CEP192: variants seen among roughly 807,000 people sequenced by gnomAD.
The protein encoded by CEP192 is centrosomal protein 192.
Under a neutral mutation model 271.8 loss-of-function variants are expected in CEP192, and 151 were observed. The observed-to-expected ratio is 0.56, with a 90% CI of 0.49 to 0.64. The LOEUF is 0.64. Ranked by LOEUF, CEP192 falls within the 30% of genes least tolerant of loss-of-function variation. CEP192 has a pLI of 0.00. For missense variants in CEP192, 2,910 were observed against 3,020.5 expected (o/e 0.96, Z 0.86); for synonymous variants, 995 against 1,076.5 (o/e 0.92, Z 1.48).
chr18:13,021,394 C>G (rs1174325253), intron 9 of CEP192, among the ~76,000 whole-genome samples: 1 of 152,168 alleles, frequency 6.6e-6, no homozygotes, highest in Non-Finnish European at 1.5e-5. Context: ...ATTGAATGGT[C>G]TTGGCACTTT....
chr18:13,084,891 G>A (rs999019311), intron 30 of CEP192, among the ~76,000 whole-genome samples: 1 of 151,434 alleles, frequency 6.6e-6, no homozygotes, highest in Non-Finnish European at 1.5e-5. Context: ...TCGGCTCACT[G>A]CAACCTCCGC....
Position 13,055,976 on chromosome 18 carries a change from A to G in CEP192, c.3386A>G (p.Tyr1129Cys), listed in dbSNP as rs1372844207. The G allele has an allele frequency of 6.2e-7, 1 of 1,614,132 alleles. No individual in the cohort carries two copies. Residue 1129 changes from tyrosine to cysteine, a missense_variant, in exon 19 of 45, where the codon TAT (tyrosine) becomes TGT (cysteine). By Grantham distance (194) the Tyr-to-Cys change is radical. Transcript: ENST00000506447. ...ETTSLSSKPE[Y>C]VKPDFRWSKD... ...ACTTCTCTGAGTAGCAAGCCTGAAT[A>G]TGTAAAACCTGACTTTAGATGGAGT...
chr18:13,089,472 C>T lies in CEP192; in HGVS notation c.6010C>T (p.Pro2004Ser). Residue 2004 changes from proline to serine, a missense_variant, in exon 33 of 45, where the codon CCA becomes TCA. Pro to Ser is a moderately conservative substitution (Grantham distance 74, BLOSUM62 -1). Coordinates refer to ENST00000506447, the MANE Select transcript of CEP192 (RefSeq NM_032142.4). ...QQYRRALLHKPEMIKQILPEH... is the reference protein window; with the variant it reads ...QQYRRALLHKSEMIKQILPEH... ...TCCTGGCAGGGCCCTGTTACATAAA[C>T]CAGAGATGATAAAACAGATACTTCC... 6.3e-7 allele frequency: 1 copy of T among 1,588,994 alleles called. No homozygotes were observed. Among genetic ancestry groups the T allele is most frequent in the Non-Finnish European group, 8.6e-7 (1 of 1,164,698 alleles).
At chr18:13,075,551 C>T (rs917221613) in intron 30 of CEP192, among the ~76,000 whole-genome samples, 1 of 151,740 alleles carries the variant, frequency 6.6e-6, no homozygotes, top group Admixed American at 6.6e-5. Context: ...GGTGACAGAG[C>T]GAGACTCCAT....
intron 38 of CEP192, among the ~76,000 whole-genome samples, chr18:13,103,070 T>C (rs972553480): frequency 2.0e-5 from 3 of 152,346 alleles, no homozygotes; most frequent in African/African-American, 7.2e-5. Flanking sequence ...CTTTGAAGCC[T>C]GTCTTCAAAG....
At position 13,100,354 on chromosome 18, in the gene CEP192, T is replaced by C; in HGVS notation, c.6713T>C (p.Leu2238Ser). The change falls in exon 38 of 45, where the codon TTA (leucine) becomes TCA (serine). Residue 2238 changes from leucine to serine, a missense_variant. Coordinates refer to ENST00000506447, the MANE Select transcript of CEP192 (RefSeq NM_032142.4). ...GAAGATTTAACTCAAGTGGAACTTT[T>C]AACTCGTTTGACCTCCAAACCATTT... ...IREDLTQVEL[L>S]TRLTSKPFGI... 1 of 1,614,140 alleles carries C rather than the reference T, an allele frequency of 6.2e-7. No homozygotes were observed. Among genetic ancestry groups the C allele is most frequent in the Non-Finnish European group, 8.5e-7 (1 of 1,179,994 alleles).
chr18:12,992,661 A>G (rs1015698125), intron 1 of CEP192, among the ~76,000 whole-genome samples: 1 of 152,248 alleles, frequency 6.6e-6, no homozygotes, highest in African/African-American at 2.4e-5. Flanking sequence ...AATGGTTTAC[A>G]AGTGTAATCT....
At chr18:13,021,321 T>A (rs1186935399) in intron 9 of CEP192, among the ~76,000 whole-genome samples, 4 of 152,234 alleles carry the variant, frequency 2.6e-5, no homozygotes, top group Non-Finnish European at 1.5e-5. Context: ...ACTAACATCA[T>A]TCTTTTGCAT....
At chr18:13,117,848 C>T (rs1050366568) in intron 44 of CEP192, among the ~76,000 whole-genome samples, 9 of 152,204 alleles carry the variant, frequency 5.9e-5, no homozygotes, top group Admixed American at 6.5e-5. Context: ...GTGCACTCAG[C>T]GGTGCCACAG....
intron 1 of CEP192, among the ~76,000 whole-genome samples, chr18:12,996,214 G>A (rs2033226102): frequency 6.7e-6 from 1 of 148,938 alleles, no homozygotes; most frequent in Non-Finnish European, 1.5e-5. Flanking sequence ...GCAGGGTTGG[G>A]GGGTAGGTTG....
intron 4 of CEP192, among the ~76,000 whole-genome samples, chr18:13,009,913 G>A (rs572496517): frequency 3.5e-4 from 54 of 152,288 alleles, no homozygotes; most frequent in African/African-American, 1.3e-3. Context: ...GCTTATGCCT[G>A]TAATTCCTGC....
intron 3 of CEP192, among the ~76,000 whole-genome samples, chr18:13,006,573 G>C (rs147147661): frequency 6.6e-6 from 1 of 152,162 alleles, no homozygotes; most frequent in Non-Finnish European, 1.5e-5. Context: ...TCTGTAAACT[G>C]TTCCTTTTCT....
chr18:13,103,581 A>G lies in CEP192; in HGVS notation c.6944A>G (p.Tyr2315Cys). Residue 2315 changes from tyrosine to cysteine, a missense_variant, in exon 39 of 45, where the codon TAT (tyrosine) becomes TGT (cysteine). By Grantham distance (194) the Tyr-to-Cys change is radical (BLOSUM62 -2). Transcript: ENST00000506447. ...CATCTGTCATCTTTAGCGCCACCTT[A>G]TGTCAAGGTCAGTCATGACTGCCTC... ...KWHLSSLAPPYVKGVDESGDV... is the reference protein window; with the variant it reads ...KWHLSSLAPPCVKGVDESGDV... 1 of 1,612,214 alleles carries G rather than the reference A, an allele frequency of 6.2e-7. No homozygotes were observed. Among genetic ancestry groups the G allele is most frequent in the Non-Finnish European group, 8.5e-7 (1 of 1,178,266 alleles).
chr18:13,098,639 G>T (rs139182633), intron 36 of CEP192, among the ~76,000 whole-genome samples: 4 of 150,442 alleles, frequency 2.7e-5, no homozygotes, highest in Non-Finnish European at 5.9e-5. Context: ...GGGAAGAGGC[G>T]CTCCTCCCTT....
intron 11 of CEP192, among the ~76,000 whole-genome samples, chr18:13,033,594 A>G (rs1486325850): frequency 6.6e-6 from 1 of 152,230 alleles, no homozygotes; most frequent in Non-Finnish European, 1.5e-5. Context: ...TGCATAAATG[A>G]TACATGGTGT....
Position 13,012,981 on chromosome 18 carries a change from A to C in CEP192, c.475A>C (p.Ile159Leu). 1 of 1,510,722 alleles carries C rather than the reference A, an allele frequency of 6.6e-7. No homozygotes were observed. The highest frequency in any genetic ancestry group is 9.0e-7 in the Non-Finnish European group (1 of 1,112,382). The allele number at this position is 1,510,722 out of a possible 1,614,324, so 93.6% of individuals were successfully genotyped here. A position where few individuals can be genotyped will look rare whatever the true frequency, so the allele number is the denominator to read the frequency against. Residue 159 changes from isoleucine to leucine, a missense_variant, in exon 5 of 45, where the codon ATT (isoleucine) becomes CTT (leucine). Transcript: ENST00000506447. Reference sequence around the variant, plus strand: ...TTTGTTTTCTTACACAGACTCACCTATTGATTTTCATTTACAGTCATGGAT... The same window carrying C: ...TTTGTTTTCTTACACAGACTCACCTCTTGATTTTCATTTACAGTCATGGAT... The part of the protein sequence containing the change: ...SPLEQAQDSP[I>L]DFHLQSWMNN...
At chr18:12,992,116 C>G (rs2032897556) in intron 1 of CEP192, among the ~76,000 whole-genome samples, 1 of 152,162 alleles carries the variant, frequency 6.6e-6, no homozygotes, top group Non-Finnish European at 1.5e-5. Context: ...ATGAGGACCT[C>G]TTCAAGTCAG....
intron 9 of CEP192, among the ~76,000 whole-genome samples, chr18:13,027,315 C>T (rs2035358293): frequency 1.3e-5 from 2 of 152,172 alleles, no homozygotes; most frequent in South Asian, 4.1e-4. Flanking sequence ...ATACTGGAAG[C>T]CCAAGGGGAT....
At chr18:13,013,844 T>C (rs1336692352) in intron 5 of CEP192, among the ~76,000 whole-genome samples, 1 of 152,228 alleles carries the variant, frequency 6.6e-6, no homozygotes, top group Non-Finnish European at 1.5e-5. Flanking sequence ...GTACACCTTT[T>C]GTAAGAGTTG....
Sources: gnomAD v4.1 joint callset for allele counts (sites outside exome capture counted in the v4.1 genomes callset) on GRCh38, gnomAD v4.1.1 for gene constraint, MANE v1.5 for transcripts, NCBI Gene and HGNC (gene_info 2026-07-23, HGNC 2026-07-21) for gene names.